Variants in RBM10 observed in about 807,000 individuals in gnomAD.
RBM10 encodes the protein RNA binding motif protein 10, also known as RNA-binding protein 10.
Under a neutral mutation model 84.9 loss-of-function variants are expected in RBM10, and 1 was observed. The ratio of observed to expected loss-of-function variants is 0.01; its 90% confidence interval spans 0.00 to 0.06. RBM10 has a LOEUF of 0.06. RBM10 is among the 10% of genes least tolerant of loss of function. RBM10 has a pLI of 1.00. For missense variants in RBM10, 438 were observed against 839.0 expected (o/e 0.52, Z 5.90); for synonymous variants, 326 against 344.5 (o/e 0.95, Z 0.60).
At position 47,145,247 on chromosome X, in the gene RBM10, G is replaced by A; in HGVS notation, c.-364G>A. ...GTAGGTGGATGGTGGTCGGAGCGCCGACTCCCTTCTCGTCGTCGCCATTTT... is the reference window on the plus strand; with the variant it reads ...GTAGGTGGATGGTGGTCGGAGCGCCAACTCCCTTCTCGTCGTCGCCATTTT... On this transcript the variant is annotated 5_prime_UTR_variant, in exon 1 of 24. Coordinates refer to ENST00000377604, the MANE Select transcript of RBM10 (RefSeq NM_005676.5). 1 of 477,409 alleles carries A rather than the reference G, an allele frequency of 2.1e-6. No homozygotes were observed. The allele number at this position is 477,409 out of a possible 1,213,427, so 39.3% of individuals were successfully genotyped here.
Position 47,145,227 on chromosome X carries a change from T to C in RBM10, c.-384T>C. 4.4e-6 allele frequency: 2 copies of C among 453,701 alleles called. No homozygotes were observed. The highest frequency in any genetic ancestry group is 7.8e-6 in the Non-Finnish European group (2 of 256,945). The allele number at this position is 453,701 out of a possible 1,213,427, so 37.4% of individuals were successfully genotyped here. On this transcript the variant is annotated 5_prime_UTR_variant, in exon 1 of 24. Transcript: ENST00000377604. ...GGCCAGAGCGCGCTTCCTTAGTAGG[T>C]GGATGGTGGTCGGAGCGCCGACTCC... is the stretch of plus-strand genomic sequence containing the variant.
intron 5 of RBM10, 131 bp downstream of exon 5, chrX:47,173,328 G>A (rs1556774494): frequency 8.7e-7 from 1 of 1,153,827 alleles, no homozygotes; most frequent in Non-Finnish European, 1.2e-6. Flanking sequence ...CAGCGTGGGG[G>A]GTGCCCTCTC....
At chrX:47,166,807 G>A (rs1234914410) in intron 2 of RBM10, among the ~76,000 whole-genome samples, 2 of 100,436 alleles carry the variant, frequency 2.0e-5, no homozygotes, top group Non-Finnish European at 4.0e-5. Context: ...ACTGAGTCTC[G>A]CTCTGTCGCC....
At chrX:47,162,043 A>G (rs1211026190) in intron 2 of RBM10, among the ~76,000 whole-genome samples, 1 of 110,823 alleles carries the variant, frequency 9.0e-6, no homozygotes, top group African/African-American at 3.3e-5. Context: ...GGGTTTCACC[A>G]TGTTGGCCAG....
Position 47,157,390 on chromosome X carries a change from C to T in RBM10, c.17+9892C>T, listed in dbSNP as rs782512624. 1.8e-4 allele frequency: 58 copies of T among 315,758 alleles called. No individual in the cohort carries two copies. In the South Asian group the frequency reaches 1.9e-3, roughly 10 times the overall value. 26.0% of individuals were successfully genotyped at this position (315,758 alleles called of 1,213,427 possible). A position where few individuals can be genotyped will look rare whatever the true frequency, so the allele number is the denominator to read the frequency against. The stretch of plus-strand genomic sequence containing the variant: ...TCCTGATTGAATACAGTAGACATCT[C>T]GTGAGAGTTGGTGCCGTGAGCCACT... On this transcript the variant is annotated intron_variant, in intron 2 of 23. Coordinates refer to ENST00000377604, the MANE Select transcript of RBM10 (RefSeq NM_005676.5).
intron 18 of RBM10, 28 bp downstream of exon 18, chrX:47,185,232 T>G (rs782658257): frequency 2.5e-6 from 3 of 1,212,230 alleles, no homozygotes; most frequent in East Asian, 5.9e-5. Context: ...CCCTGCACCC[T>G]GCCCCACAAT....
In RBM10 at chrX:47,182,281, G is replaced by A. The variant is rs1935608850; in HGVS notation, c.1905G>A (p.Glu635=). ...AGGAGACAGGGGCACCCTCGAAGGA[G>A]GGCAAAGAGAAGAAGGAGAAGCACA... ...GHKETGAPSK[E]GKEKKEKHKT... Residue 635 remains glutamate, a synonymous_variant, in exon 17 of 24, where the codon GAG becomes GAA. Coordinates refer to ENST00000377604, the MANE Select transcript of RBM10 (RefSeq NM_005676.5). 3 of 1,209,591 alleles carry A rather than the reference G, an allele frequency of 2.5e-6. No individual in the cohort carries two copies. The African/African-American group carries it at 5.2e-5, about 21-fold the overall frequency.
Position 47,179,892 on chromosome X carries a change from G to A in RBM10, c.914G>A (p.Arg305His), listed in dbSNP as rs2147172523. The change falls in exon 10 of 24, where the codon CGC becomes CAC. Residue 305 changes from arginine to histidine, a missense_variant. Coordinates refer to ENST00000377604, the MANE Select transcript of RBM10 (RefSeq NM_005676.5). ...CCCCTTCCCACAGCCATCATTTTGC[G>A]CAACCTGAACCCACACAGCACCATG... is the stretch of plus-strand genomic sequence containing the variant. ...SENANDTIIL[R>H]NLNPHSTMDS... The A allele has an allele frequency of 8.3e-7, 1 of 1,207,321 alleles. No individual in the cohort carries two copies. The highest frequency in any genetic ancestry group is 3.0e-5 in the East Asian group (1 of 33,618).
chrX:47,173,009 G>A lies in RBM10; in HGVS notation c.433-119G>A, dbSNP rs1347886026. ...CTCAGGGAAAAGCTGCGAAAGAGGC[G>A]GAGGAGACTGTGTGCACATCACCGA... is the stretch of plus-strand genomic sequence containing the variant. On this transcript the variant is annotated intron_variant, in intron 4 of 23. Coordinates refer to ENST00000377604, the MANE Select transcript of RBM10 (RefSeq NM_005676.5). 3.0e-5 allele frequency: 35 copies of A among 1,170,789 alleles called. No homozygotes were observed. In the South Asian group the frequency reaches 4.3e-4, roughly 14 times the overall value.
intron 5 of RBM10, among the ~76,000 whole-genome samples, chrX:47,173,822 G>A (rs1556774792): frequency 9.6e-6 from 1 of 104,344 alleles, no homozygotes; most frequent in African/African-American, 3.5e-5. Context: ...CCCAAGGCAG[G>A]CACAGTGGGG....
chrX:47,148,434 C>G (rs1556762690), intron 2 of RBM10, among the ~76,000 whole-genome samples: 1 of 111,569 alleles, frequency 9.0e-6, no homozygotes, highest in Admixed American at 9.5e-5. Flanking sequence ...CTTTTAAAAG[C>G]CCTCAAGTGC....
rs899016676 is a variant in RBM10, at chrX:47,145,360, T to G, written c.-251T>G. 2.9e-5 allele frequency: 29 copies of G among 996,860 alleles called. No homozygotes were observed. The African/African-American group carries it at 5.3e-4, about 18-fold the overall frequency. The allele number at this position is 996,860 out of a possible 1,213,427, so 82.2% of individuals were successfully genotyped here. On this transcript the variant is annotated 5_prime_UTR_variant, in exon 1 of 24. Transcript: ENST00000377604. Reference sequence around the variant, plus strand: ...CTTGGCGCTTCTCCCCTCCCCCCGATCTGCCTCCAGTCTCGGACTTGGTTG... The same window carrying G: ...CTTGGCGCTTCTCCCCTCCCCCCGAGCTGCCTCCAGTCTCGGACTTGGTTG...
intron 2 of RBM10, among the ~76,000 whole-genome samples, chrX:47,166,471 CT>C (rs1287386508): frequency 1.5e-3 from 159 of 105,516 alleles, no homozygotes; most frequent in Middle Eastern, 4.8e-3. Flanking sequence ...TTCTCTCTCT[CT>C]TTTTTTTTTT....
chrX:47,145,290 C>G lies in RBM10; in HGVS notation c.-321C>G. The stretch of plus-strand genomic sequence containing the variant: ...GCCATTTTGAGCTGGTGACTGTGGC[C>G]GGCTGGGAGTAGGCGGCAGTGAGTT... On this transcript the variant is annotated 5_prime_UTR_variant, in exon 1 of 24. Transcript: ENST00000377604. 1 of 582,768 alleles carries G rather than the reference C, an allele frequency of 1.7e-6. No individual in the cohort carries two copies. 48.0% of individuals were successfully genotyped at this position (582,768 alleles called of 1,213,427 possible). A position where few individuals can be genotyped will look rare whatever the true frequency, so the allele number is the denominator to read the frequency against.
At chrX:47,172,305 G>A (rs1313342822) in intron 4 of RBM10, among the ~76,000 whole-genome samples, 1 of 112,182 alleles carries the variant, frequency 8.9e-6, no homozygotes, top group African/African-American at 3.2e-5. Flanking sequence ...GTCCTGATAA[G>A]CTCTTCTGTG....
At chrX:47,179,221 G>A (rs782180325) in intron 8 of RBM10, 58 bp downstream of exon 8, 1 of 1,195,328 alleles carries the variant, frequency 8.4e-7, no homozygotes, top group Non-Finnish European at 1.1e-6. Context: ...AGAAGGGAAG[G>A]GTGAGGGGTC....
chrX:47,174,234 G>A (rs782294139), intron 5 of RBM10, among the ~76,000 whole-genome samples: 5 of 109,734 alleles, frequency 4.6e-5, no homozygotes, highest in Non-Finnish European at 9.5e-5. Context: ...TTCCAGGTGC[G>A]GCCTTCTCAA....
intron 10 of RBM10, 53 bp from the exon 11 acceptor site, chrX:47,180,159 C>T: frequency 1.7e-6 from 2 of 1,174,912 alleles, no homozygotes; most frequent in South Asian, 3.6e-5. Context: ...GCAATGGAGC[C>T]GGGGGCCTCC....
intron 23 of RBM10, 21 bp from the exon 24 acceptor site, chrX:47,186,451 CAG>C: frequency 2.5e-6 from 3 of 1,203,591 alleles, no homozygotes; most frequent in Non-Finnish European, 2.2e-6. Flanking sequence ...ACCAGCCTGA[CAG>C]AGCCTGCCTC....
Sources: allele counts gnomAD v4.1 joint callset (sites outside exome capture counted in the v4.1 genomes callset), GRCh38; gene constraint gnomAD v4.1.1; transcripts MANE v1.5; gene names NCBI Gene and HGNC (gene_info 2026-07-23, HGNC 2026-07-21).